Variants in DCLK3 observed in about 807,000 individuals in gnomAD.
The protein encoded by DCLK3 is serine/threonine-protein kinase DCLK3.
A neutral mutation model predicts 46.4 loss-of-function variants in DCLK3; 30 were observed. The observed-to-expected ratio is 0.65, with a 90% CI of 0.48 to 0.88. DCLK3 has a LOEUF of 0.88. DCLK3 is among the 40% of genes least tolerant of loss of function. The pLI is 0.00. For missense variants in DCLK3, 846 were observed against 907.1 expected, an observed-to-expected ratio of 0.93 and a Z score of 0.87; for synonymous variants, 401 against 339.2, an observed-to-expected ratio of 1.18 and a Z score of -2.00.
chr3:36,740,494 C>T (rs1234633587), intron 1 of DCLK3, among the ~76,000 whole-genome samples: 1 of 152,200 alleles, frequency 6.6e-6, no homozygotes, highest in Non-Finnish European at 1.5e-5. Flanking sequence ...GGTGTAAAAA[C>T]TTCCTTGTCC....
Position 36,718,033 on chromosome 3 carries a change from G to C in DCLK3, c.2237C>G (p.Pro746Arg). The C allele has an allele frequency of 1.2e-6, 2 of 1,614,142 alleles. No individual in the cohort carries two copies. Among genetic ancestry groups the C allele is most frequent in the East Asian group, 2.2e-5 (1 of 44,880 alleles). Residue 746 changes from proline to arginine, a missense_variant, in exon 4 of 5, where the codon CCT (proline) becomes CGT (arginine). By Grantham distance (103) the Pro-to-Arg change is moderately radical. Transcript: ENST00000636136. ...ACCATCAGAGATATTGTCCCAGTAAGGGGGGAGGAACTCAAAGTGGCCCAG... is the reference window on the plus strand; with the variant it reads ...ACCATCAGAGATATTGTCCCAGTAACGGGGGAGGAACTCAAAGTGGCCCAG... ...IQLGHFEFLP[P>R]YWDNISDAAK...
chr3:36,725,067 C>T (rs1213752440), intron 2 of DCLK3, among the ~76,000 whole-genome samples: 1 of 151,250 alleles, frequency 6.6e-6, no homozygotes, highest in African/African-American at 2.4e-5. Flanking sequence ...GTAATCCCAG[C>T]ACTTTGGGAG....
At chr3:36,756,144 G>A (rs1701482888) in intron 1 of DCLK3, among the ~76,000 whole-genome samples, 1 of 152,222 alleles carries the variant, frequency 6.6e-6, no homozygotes, top group South Asian at 2.1e-4. Flanking sequence ...AGTGAAGTAG[G>A]ACAGTGGCAT....
intron 3 of DCLK3, among the ~76,000 whole-genome samples, chr3:36,720,882 C>T (rs1052097321): frequency 6.6e-6 from 1 of 152,152 alleles, no homozygotes; most frequent in African/African-American, 2.4e-5. Context: ...TGTCACCAAC[C>T]CTGCAACCCA....
chr3:36,751,054 G>A (rs1481643816), intron 1 of DCLK3, among the ~76,000 whole-genome samples: 3 of 61,470 alleles, frequency 4.9e-5, no homozygotes, highest in East Asian at 3.2e-4. Context: ...CCCTGTAGAC[G>A]GGATGATCTA....
At chr3:36,757,577 C>A (rs188546129) in intron 1 of DCLK3, among the ~76,000 whole-genome samples, 37 of 152,196 alleles carry the variant, frequency 2.4e-4, no homozygotes, top group South Asian at 1.7e-3. Flanking sequence ...GCTAATAAAG[C>A]CATTCAAATC....
chr3:36,734,711 TTC>T (rs1217037767), intron 2 of DCLK3, among the ~76,000 whole-genome samples: 2 of 151,850 alleles, frequency 1.3e-5, no homozygotes, highest in Non-Finnish European at 2.9e-5. Context: ...CTCCCTCTCT[TTC>T]TCTCTCTGTC....
intron 1 of DCLK3, among the ~76,000 whole-genome samples, chr3:36,763,828 C>T (rs1218178667): frequency 2.0e-5 from 3 of 152,234 alleles, no homozygotes; most frequent in African/African-American, 7.2e-5. Context: ...CTCCCTGCGC[C>T]TTCTCCCTTC....
intron 1 of DCLK3, among the ~76,000 whole-genome samples, chr3:36,748,220 C>T (rs145081111): frequency 1.6e-3 from 240 of 152,266 alleles, no homozygotes; most frequent in African/African-American, 5.4e-3. Context: ...TGTGCACAGG[C>T]ATTTGCAGCT....
chr3:36,720,214 C>A (rs1701038092), intron 3 of DCLK3, among the ~76,000 whole-genome samples: 1 of 152,144 alleles, frequency 6.6e-6, no homozygotes, highest in African/African-American at 2.4e-5. Flanking sequence ...TCTCTTGCTC[C>A]CAGTCCCACC....
At chr3:36,753,212 G>T (rs1701458363) in intron 1 of DCLK3, among the ~76,000 whole-genome samples, 1 of 152,186 alleles carries the variant, frequency 6.6e-6, no homozygotes, top group Admixed American at 6.5e-5. Context: ...ATTCAAGGCA[G>T]CATAGAAAAT....
rs979731500 is a variant in DCLK3, at chr3:36,713,016, A to C, written c.*2312T>G. ...AAGGAACTACCAAACCATTCTCCAA[A>C]GGAGAAGTCCCATTTTATACTCCCA... is the stretch of plus-strand genomic sequence containing the variant. On this transcript the variant is annotated 3_prime_UTR_variant, in exon 5 of 5. Coordinates refer to ENST00000636136, the MANE Select transcript of DCLK3 (RefSeq NM_001394672.2). The C allele has an allele frequency of 6.6e-6, 1 of 152,212 alleles. No individual in the cohort carries two copies. Among genetic ancestry groups the C allele is most frequent in the African/African-American group, 2.4e-5 (1 of 41,464 alleles). 9.4% of individuals were successfully genotyped at this position (152,212 alleles called of 1,614,324 possible).
At chr3:36,720,748 C>T (rs1386109080) in intron 3 of DCLK3, among the ~76,000 whole-genome samples, 1 of 152,114 alleles carries the variant, frequency 6.6e-6, no homozygotes, top group Non-Finnish European at 1.5e-5. Flanking sequence ...CTCAGGTGAT[C>T]CACCTGCCTC....
At chr3:36,733,141 G>A (rs1434420866) in intron 2 of DCLK3, among the ~76,000 whole-genome samples, 2 of 152,134 alleles carry the variant, frequency 1.3e-5, no homozygotes, top group East Asian at 1.9e-4. Context: ...CTTTGTCCTT[G>A]ACCAAGCTGA....
intron 1 of DCLK3, among the ~76,000 whole-genome samples, chr3:36,744,954 T>C (rs1701380974): frequency 6.6e-6 from 1 of 152,224 alleles, no homozygotes; most frequent in East Asian, 1.9e-4. Context: ...CATGCCGTTA[T>C]TGCCTCTAAT....
intron 1 of DCLK3, among the ~76,000 whole-genome samples, chr3:36,756,733 T>C (rs1701487823): frequency 6.6e-6 from 1 of 152,120 alleles, no homozygotes; most frequent in Admixed American, 6.5e-5. Context: ...GTAGGGTGCC[T>C]TGGACTAGCT....
intron 1 of DCLK3, among the ~76,000 whole-genome samples, chr3:36,754,636 A>G (rs562234364): frequency 4.2e-4 from 64 of 152,356 alleles, no homozygotes; most frequent in African/African-American, 1.5e-3. Context: ...GAGAGATTAT[A>G]TCTCAAAGAG....
At chr3:36,756,838 G>A (rs532290486) in intron 1 of DCLK3, among the ~76,000 whole-genome samples, 1 of 151,958 alleles carries the variant, frequency 6.6e-6, no homozygotes, top group South Asian at 2.1e-4. Flanking sequence ...GTGGCATGTG[G>A]TGTCTGGGGG....
At chr3:36,742,867 G>C (rs187999484) in intron 1 of DCLK3, among the ~76,000 whole-genome samples, 5 of 152,116 alleles carry the variant, frequency 3.3e-5, no homozygotes, top group Admixed American at 2.6e-4. Context: ...CTCCGGGAAC[G>C]TGCTCATGCC....
Sources: allele counts gnomAD v4.1 joint callset (sites outside exome capture counted in the v4.1 genomes callset), GRCh38; gene constraint gnomAD v4.1.1; transcripts MANE v1.5; gene names NCBI Gene and HGNC (gene_info 2026-07-23, HGNC 2026-07-21).